Variants in FANCC observed in about 807,000 individuals in gnomAD.
FANCC encodes Fanconi anemia group C protein.
FANCC carries 55 observed loss-of-function variants against 71.3 expected under a neutral mutation model. The ratio of observed to expected loss-of-function variants is 0.77; its 90% CI spans 0.62 to 0.97. The LOEUF is 0.97. Among genes scored for constraint, FANCC ranks in the 50% least tolerant of loss-of-function variants. The probability of loss-of-function intolerance (pLI) is 0.00; values close to 1 mark genes in which losing one functional copy is unlikely to be tolerated. For synonymous variants in FANCC, 275 were observed against 244.9 expected (o/e 1.12, Z -1.15); for missense variants, 678 against 670.9 (o/e 1.01, Z -0.12).
intron 1 of FANCC, among the ~76,000 whole-genome samples, chr9:95,313,111 C>T (rs967401059): frequency 4.6e-5 from 7 of 152,220 alleles, no homozygotes; most frequent in African/African-American, 1.7e-4. Flanking sequence ...GCCGGCGCTG[C>T]AGAAGCACAT....
rs565869309 is a variant in FANCC at position 95,190,653 on chromosome 9, C to G, written c.346-18506G>C. Among the ~76,000 whole-genome samples, 102 of 152,338 alleles carry G rather than the reference C, an allele frequency of 6.7e-4. 1 individual carries two copies. The highest frequency in any genetic ancestry group is 2.3e-3 in the African/African-American group (96 of 41,576). ...GCTGCACCTGTACATCTCCAGGATG[C>G]ACACACACTGCCCGCCCTGGCACTG... On this transcript the variant is annotated intron_variant, in intron 4 of 14. Coordinates refer to ENST00000289081, the MANE Select transcript of FANCC (RefSeq NM_000136.3).
At chr9:95,210,502 C>T (rs1828427065) in intron 4 of FANCC, among the ~76,000 whole-genome samples, 1 of 152,078 alleles carries the variant, frequency 6.6e-6, no homozygotes, top group Non-Finnish European at 1.5e-5. Context: ...TAACATCAGG[C>T]ATTGTTCTAA....
chr9:95,124,945 G>T, intron 10 of FANCC, 141 bp downstream of exon 10: 2 of 743,128 alleles, frequency 2.7e-6, no homozygotes, highest in Non-Finnish European at 4.7e-6. Context: ...CTTAACCTTT[G>T]TTGGGGCACT....
chr9:95,137,473 G>A (rs894293101), intron 7 of FANCC, among the ~76,000 whole-genome samples: 9 of 152,040 alleles, frequency 5.9e-5, no homozygotes, highest in South Asian at 2.1e-4. Flanking sequence ...GGCAGGCCCC[G>A]TTCCTCATCT....
intron 7 of FANCC, among the ~76,000 whole-genome samples, chr9:95,141,991 T>TG (rs1828794542): frequency 1.4e-5 from 2 of 138,174 alleles, no homozygotes; most frequent in Non-Finnish European, 3.1e-5. Flanking sequence ...TGGGGTTTTT[T>TG]TTTTTTTTTT....
At chr9:95,242,580 A>G (rs757693267) in intron 3 of FANCC, among the ~76,000 whole-genome samples, 14 of 151,186 alleles carry the variant, frequency 9.3e-5, no homozygotes, top group Non-Finnish European at 2.1e-4. Flanking sequence ...CCAGGTGTTG[A>G]GTGATTATGC....
At position 95,177,423 on chromosome 9, in the gene FANCC, C is replaced by G. The variant is rs936946918; in HGVS notation, c.346-5276G>C. On this transcript the variant is annotated intron_variant, in intron 4 of 14. Transcript: ENST00000289081. Reference sequence around the variant, plus strand: ...GAAGGCCGAAGACATGACTCTGCACCACTGTAGACTTCACAGACACTGTAC... The same window carrying G: ...GAAGGCCGAAGACATGACTCTGCACGACTGTAGACTTCACAGACACTGTAC... 2.0e-5 allele frequency among the ~76,000 whole-genome samples: 3 copies of G among 152,168 alleles called. No individual in the cohort carries two copies. In the South Asian group the frequency reaches 6.2e-4, roughly 31 times the overall value.
rs564188996 is a variant in FANCC, at chr9:95,121,623, C to T, written c.996+3463G>A. Among the ~76,000 whole-genome samples the T allele has an allele frequency of 2.0e-5, 3 of 152,308 alleles. No individual in the cohort carries two copies. In the South Asian group the frequency reaches 6.2e-4, roughly 32 times the overall value. On this transcript the variant is annotated intron_variant, in intron 10 of 14. Transcript: ENST00000289081. ...GCAGGAGGATGGCTACACTGCCATA[C>T]GTTTTCACAATGGACTATGCATAAC...
rs908341010 is a variant in FANCC, at chr9:95,206,283, C to T, written c.346-34136G>A. On this transcript the variant is annotated intron_variant, in intron 4 of 14. Coordinates refer to ENST00000289081, the MANE Select transcript of FANCC (RefSeq NM_000136.3). ...ATGCTGTTTACTTGTGCTCTTGCAA[C>T]GGGACTGGCCTGCCTGAAATGTCTG... Among the ~76,000 whole-genome samples, 24 of 152,242 alleles carry T rather than the reference C, an allele frequency of 1.6e-4. No individual in the cohort carries two copies. The East Asian group carries it at 3.1e-3, about 20-fold the overall frequency.
At chr9:95,138,307 G>A (rs1458551837) in intron 7 of FANCC, among the ~76,000 whole-genome samples, 1 of 152,232 alleles carries the variant, frequency 6.6e-6, no homozygotes, top group Admixed American at 6.5e-5. Flanking sequence ...AGCTTTACTG[G>A]GTGGGCCAGA....
intron 4 of FANCC, among the ~76,000 whole-genome samples, chr9:95,214,057 A>G (rs777905097): frequency 7.2e-5 from 11 of 152,220 alleles, no homozygotes; most frequent in Non-Finnish European, 1.6e-4. Context: ...CAACACCATT[A>G]ATCATTAGAA....
At chr9:95,252,009 G>A (rs1387459608) in intron 1 of FANCC, among the ~76,000 whole-genome samples, 2 of 152,124 alleles carry the variant, frequency 1.3e-5, no homozygotes, top group Non-Finnish European at 2.9e-5. Flanking sequence ...GGGGCACAGT[G>A]GCTCACACCT....
intron 4 of FANCC, among the ~76,000 whole-genome samples, chr9:95,198,354 A>G (rs905832669): frequency 6.6e-6 from 1 of 152,366 alleles, no homozygotes; most frequent in African/African-American, 2.4e-5. Context: ...ACTGTCACAC[A>G]CAATTTTCAG....
At chr9:95,275,122 A>G (rs1832962200) in intron 1 of FANCC, among the ~76,000 whole-genome samples, 1 of 151,616 alleles carries the variant, frequency 6.6e-6, no homozygotes, top group African/African-American at 2.4e-5. Flanking sequence ...AAAAAAAAAA[A>G]AAGAAAAATA....
At chr9:95,312,081 T>C (rs890201242) in intron 1 of FANCC, among the ~76,000 whole-genome samples, 21 of 152,330 alleles carry the variant, frequency 1.4e-4, no homozygotes, top group African/African-American at 4.1e-4. Context: ...CATGATAATC[T>C]ATACTGTTTC....
chr9:95,245,419 A>C (rs1830903252), intron 3 of FANCC, among the ~76,000 whole-genome samples: 1 of 152,050 alleles, frequency 6.6e-6, no homozygotes, highest in Non-Finnish European at 1.5e-5. Context: ...TGAGAATAGT[A>C]CCAAACCTTA....
chr9:95,123,363 G>T (rs766268016), intron 10 of FANCC: 48 of 386,796 alleles, frequency 1.2e-4, no homozygotes, highest in South Asian at 8.9e-4. Context: ...AAACAGGCTG[G>T]GTGTGGTGGC....
At chr9:95,272,037 C>T (rs1278247684) in intron 1 of FANCC, among the ~76,000 whole-genome samples, 2 of 146,066 alleles carry the variant, frequency 1.4e-5, no homozygotes, top group Non-Finnish European at 3.0e-5. Context: ...CCCGGGTTCA[C>T]GCCATTCTCC....
In FANCC at chr9:95,107,348, G is replaced by A. The variant is rs547897246; in HGVS notation, c.1330-79C>T. 1.5e-5 allele frequency: 22 copies of A among 1,481,416 alleles called. No individual in the cohort carries two copies. The East Asian group carries it at 5.1e-4, about 34-fold the overall frequency. The allele number at this position is 1,481,416 out of a possible 1,614,324, so 91.8% of individuals were successfully genotyped here. Reference sequence around the variant, plus strand: ...CTTCTAGGATTTATTTATTTGCTTTGAAACAACCCCCAGAAACGGGTAAGC... The same window carrying A: ...CTTCTAGGATTTATTTATTTGCTTTAAAACAACCCCCAGAAACGGGTAAGC... On this transcript the variant is annotated intron_variant, in intron 13 of 14. Coordinates refer to ENST00000289081, the MANE Select transcript of FANCC (RefSeq NM_000136.3).
Sources: allele counts gnomAD v4.1 joint callset (sites outside exome capture counted in the v4.1 genomes callset), GRCh38; gene constraint gnomAD v4.1.1; transcripts MANE v1.5; gene names NCBI Gene and HGNC (gene_info 2026-07-23, HGNC 2026-07-21).